COL25A1: variants seen among roughly 807,000 people sequenced by gnomAD.
COL25A1 encodes collagen type XXV alpha 1 chain.
COL25A1 carries 103 observed loss-of-function variants against 128.4 expected under a neutral mutation model. That is an observed-to-expected ratio of 0.80 (90% CI 0.68 to 0.94). The LOEUF (loss-of-function observed/expected upper bound fraction) is 0.94. Among genes scored for constraint, COL25A1 ranks in the 40% least tolerant of loss-of-function variants. The probability of loss-of-function intolerance (pLI) is 0.00; values close to 1 mark genes in which losing one functional copy is unlikely to be tolerated. For synonymous variants in COL25A1, 279 were observed against 277.2 expected (o/e 1.01, Z -0.06); for missense variants, 745 against 840.0 (o/e 0.89, Z 1.40).
chr4:108,881,605 T>C (rs1740132461), intron 19 of COL25A1, among the ~76,000 whole-genome samples: 1 of 152,208 alleles, frequency 6.6e-6, no homozygotes, highest in African/African-American at 2.4e-5. Context: ...GAAATCATAG[T>C]TAACTGTCCT....
intron 5 of COL25A1, among the ~76,000 whole-genome samples, chr4:109,028,602 T>C (rs1054223507): frequency 2.0e-5 from 3 of 152,128 alleles, no homozygotes; most frequent in Non-Finnish European, 4.4e-5. Context: ...GGCATGCACC[T>C]GCAGTCCCAG....
Position 109,197,442 on chromosome 4 carries a change from TATATATATTATATATAAATATTATATATA to T in COL25A1, c.367+103112_367+103140del, listed in dbSNP as rs1202546312. Among the ~76,000 whole-genome samples the T allele has an allele frequency of 1.1e-3, 141 of 123,084 alleles. 1 individual carries two copies. Among genetic ancestry groups the T allele is most frequent in the Middle Eastern group, 7.7e-3 (2 of 260 alleles). 80.7% of individuals were successfully genotyped at this position (123,084 alleles called of 152,430 possible). On this transcript the variant is annotated intron_variant, in intron 3 of 37. Transcript: ENST00000399132. ...TATATTATATATAAATATTATATAT[TATATATATTATATATAAATATTATATATA>T]ATATATATTATATATTATATATAAA...
intron 6 of COL25A1, among the ~76,000 whole-genome samples, chr4:108,986,333 G>C (rs1038652334): frequency 6.6e-6 from 1 of 152,148 alleles, no homozygotes; most frequent in African/African-American, 2.4e-5. Context: ...AGATGTATTT[G>C]GTGAAAGGTT....
rs79843135 is a variant in COL25A1, at chr4:109,209,006, T to C, written c.367+91577A>G. Among the ~76,000 whole-genome samples the C allele has an allele frequency of 0.012, 1,755 of 152,316 alleles. 59 individuals are homozygous for C. The South Asian group carries it at 0.14, about 12-fold the overall frequency. On this transcript the variant is annotated intron_variant, in intron 3 of 37. Coordinates refer to ENST00000399132, the MANE Select transcript of COL25A1 (RefSeq NM_198721.4). ...AATGTTTTATTATTGTGCTTTTCAT[T>C]ATATTCACTGAATATTTCTTCCATT... is the stretch of plus-strand genomic sequence containing the variant.
At chr4:109,293,111 C>T (rs1724628185) in intron 3 of COL25A1, among the ~76,000 whole-genome samples, 1 of 152,020 alleles carries the variant, frequency 6.6e-6, no homozygotes, top group African/African-American at 2.4e-5. Context: ...CCTTTGACAG[C>T]TCCCAGCATT....
intron 3 of COL25A1, among the ~76,000 whole-genome samples, chr4:109,075,962 C>T (rs904893926): frequency 2.6e-5 from 4 of 152,130 alleles, no homozygotes; most frequent in Non-Finnish European, 5.9e-5. Flanking sequence ...AAAAAAATTG[C>T]ATCTGTAGTG....
chr4:108,822,060 T>TTTTTTTTTTTTTG (rs1731833722), intron 35 of COL25A1, among the ~76,000 whole-genome samples: 1 of 131,536 alleles, frequency 7.6e-6, no homozygotes, highest in Non-Finnish European at 1.6e-5. Flanking sequence ...TTTTTTTTTT[T>TTTTTTTTTTTTTG]GGGACAGGGT....
intron 32 of COL25A1, 42 bp downstream of exon 32, chr4:108,832,338 G>A: frequency 7.0e-7 from 1 of 1,432,696 alleles, no homozygotes. Flanking sequence ...CATGCTCTGT[G>A]TTTTCTTTAG....
intron 16 of COL25A1, among the ~76,000 whole-genome samples, chr4:108,892,325 T>C (rs570424822): frequency 1.3e-5 from 2 of 152,302 alleles, no homozygotes; most frequent in South Asian, 4.1e-4. Flanking sequence ...TATGTTTCAT[T>C]CAAGCACAGT....
chr4:108,868,660 G>A (rs1738259389), intron 20 of COL25A1, among the ~76,000 whole-genome samples: 1 of 146,532 alleles, frequency 6.8e-6, no homozygotes, highest in Non-Finnish European at 1.5e-5. Context: ...GGGAAAGAAG[G>A]AAAGGAAGGG....
At chr4:108,861,552 T>C (rs1199162182) in intron 22 of COL25A1, among the ~76,000 whole-genome samples, 1 of 152,148 alleles carries the variant, frequency 6.6e-6, no homozygotes, top group Non-Finnish European at 1.5e-5. Flanking sequence ...CTGGAACAGG[T>C]TGGCAGCGCT....
At chr4:108,831,718 G>A (rs570395339) in intron 32 of COL25A1, among the ~76,000 whole-genome samples, 98 of 150,224 alleles carry the variant, frequency 6.5e-4, no homozygotes, top group African/African-American at 2.2e-3. Context: ...GAGAGAGAGC[G>A]CATGCATGAG....
chr4:108,918,317 T>G, intron 12 of COL25A1, 101 bp from the exon 13 acceptor site: 2 of 767,144 alleles, frequency 2.6e-6, no homozygotes, highest in Non-Finnish European at 4.1e-6. Context: ...AAAACATTTC[T>G]AGGAAGTCTT....
intron 31 of COL25A1, among the ~76,000 whole-genome samples, chr4:108,838,839 A>T (rs1734103063): frequency 6.6e-6 from 1 of 152,122 alleles, no homozygotes; most frequent in Non-Finnish European, 1.5e-5. Flanking sequence ...AATTTAACTC[A>T]GCGTGACATT....
chr4:108,972,774 C>T (rs1051997655), intron 8 of COL25A1, among the ~76,000 whole-genome samples: 7 of 152,140 alleles, frequency 4.6e-5, no homozygotes, highest in Non-Finnish European at 1.0e-4. Flanking sequence ...GCATGAAAGG[C>T]AGTCTGGGTT....
intron 3 of COL25A1, among the ~76,000 whole-genome samples, chr4:109,076,154 T>C (rs1425287614): frequency 2.0e-5 from 3 of 152,216 alleles, no homozygotes; most frequent in Non-Finnish European, 4.4e-5. Flanking sequence ...AACTTGAGCA[T>C]CCATGGATTT....
intron 3 of COL25A1, among the ~76,000 whole-genome samples, chr4:109,180,679 TAA>T (rs1481098112): frequency 6.6e-6 from 1 of 152,082 alleles, no homozygotes; most frequent in Non-Finnish European, 1.5e-5. Context: ...TAATATCCAT[TAA>T]GTTTATAGAT....
intron 3 of COL25A1, among the ~76,000 whole-genome samples, chr4:109,202,586 CT>C (rs1201862665): frequency 6.6e-6 from 1 of 152,034 alleles, no homozygotes; most frequent in African/African-American, 2.4e-5. Flanking sequence ...ACTGAAAGCA[CT>C]ATCCATAAAA....
chr4:108,869,481 C>T (rs1738438897), intron 19 of COL25A1, among the ~76,000 whole-genome samples: 1 of 152,112 alleles, frequency 6.6e-6, no homozygotes, highest in Admixed American at 6.5e-5. Context: ...GGGCTCAATA[C>T]CTGTGCCTGG....
Sources: gnomAD v4.1 joint callset for allele counts (sites outside exome capture counted in the v4.1 genomes callset) on GRCh38, gnomAD v4.1.1 for gene constraint, MANE v1.5 for transcripts, NCBI Gene and HGNC (gene_info 2026-07-23, HGNC 2026-07-21) for gene names.